The following GRIA1 variants were observed in gnomAD, a reference collection of about 807,000 sequenced individuals.
The protein encoded by GRIA1 is glutamate receptor 1.
A neutral mutation model predicts 99.2 loss-of-function variants in GRIA1; 31 were observed. The ratio of observed to expected loss-of-function variants is 0.31; its 90% CI spans 0.23 to 0.42. GRIA1 has a LOEUF of 0.42. Ranked by LOEUF, GRIA1 falls within the 10% of genes least tolerant of loss-of-function variation. The probability of loss-of-function intolerance (pLI) is 1.00; values close to 1 mark genes in which losing one functional copy is unlikely to be tolerated. For missense variants in GRIA1, 782 were observed against 1,157.5 expected (o/e 0.68, Z 4.71); for synonymous variants, 438 against 432.4 (o/e 1.01, Z -0.16).
At chr5:153,722,095 G>A (rs1344353378) in intron 11 of GRIA1, among the ~76,000 whole-genome samples, 1 of 152,142 alleles carries the variant, frequency 6.6e-6, no homozygotes, top group African/African-American at 2.4e-5. Flanking sequence ...ATATTTGTTA[G>A]CCATTTGAGT....
intron 2 of GRIA1, among the ~76,000 whole-genome samples, chr5:153,501,047 T>G (rs1458009995): frequency 1.3e-5 from 2 of 152,318 alleles, no homozygotes; most frequent in Non-Finnish European, 2.9e-5. Context: ...TTCTCTACCT[T>G]TGGCTAGCAA....
At chr5:153,549,857 G>A (rs1759971042) in intron 2 of GRIA1, among the ~76,000 whole-genome samples, 1 of 151,916 alleles carries the variant, frequency 6.6e-6, no homozygotes, top group Non-Finnish European at 1.5e-5. Context: ...CCTTTATGTG[G>A]GACTAAGAAA....
intron 2 of GRIA1, among the ~76,000 whole-genome samples, chr5:153,532,297 A>G (rs1493395): frequency 0.21 from 31,637 of 152,048 alleles, 4,867 homozygotes; most frequent in East Asian, 0.69. Flanking sequence ...CAGCTCTTCA[A>G]GGTACTCAAG....
intron 11 of GRIA1, among the ~76,000 whole-genome samples, chr5:153,740,267 CA>C (rs1761684525): frequency 1.3e-5 from 2 of 152,188 alleles, no homozygotes; most frequent in African/African-American, 4.8e-5. Context: ...GAGAGGAGAA[CA>C]GCTTCAACAA....
intron 13 of GRIA1, among the ~76,000 whole-genome samples, chr5:153,772,072 G>A (rs2149620794): frequency 6.6e-6 from 1 of 152,216 alleles, no homozygotes; most frequent in Middle Eastern, 3.4e-3. Flanking sequence ...TGGAATTTAT[G>A]GAAAGCATAA....
Position 153,811,215 on chromosome 5 carries a change from C to A in GRIA1, c.2711C>A (p.Thr904Lys), listed in dbSNP as rs756806575. The A allele has an allele frequency of 6.2e-7, 1 of 1,613,542 alleles. No individual in the cohort carries two copies. Among genetic ancestry groups the A allele is most frequent in the South Asian group, 1.1e-5 (1 of 91,066 alleles). The change falls in exon 16 of 16, where the codon ACG becomes AAG. Residue 904 changes from threonine to lysine, a missense_variant. Coordinates refer to ENST00000285900, the MANE Select transcript of GRIA1 (RefSeq NM_000827.4). ...SHSSGMPLGA[T>K]GL Reference sequence around the variant, plus strand: ...AGTTCAGGGATGCCCTTGGGAGCCACGGGATTGTAACTGGAGCAGATGGAG... The same window carrying A: ...AGTTCAGGGATGCCCTTGGGAGCCAAGGGATTGTAACTGGAGCAGATGGAG...
chr5:153,639,425 T>G (rs545717969), intron 2 of GRIA1, among the ~76,000 whole-genome samples: 1 of 152,332 alleles, frequency 6.6e-6, no homozygotes, highest in South Asian at 2.1e-4. Flanking sequence ...CTCTTCAGTC[T>G]TGTTCCTGAG....
intron 11 of GRIA1, among the ~76,000 whole-genome samples, chr5:153,726,716 A>T (rs572384481): frequency 2.7e-4 from 41 of 152,358 alleles, no homozygotes; most frequent in South Asian, 2.1e-4. Context: ...GAGTAGACCA[A>T]TAACAGGCTC....
intron 5 of GRIA1, among the ~76,000 whole-genome samples, chr5:153,671,828 C>T (rs1047336616): frequency 2.6e-5 from 4 of 152,190 alleles, no homozygotes. Context: ...GGTTCCTGCT[C>T]TTAGGAAACT....
chr5:153,780,511 A>G (rs1486815710), intron 13 of GRIA1, among the ~76,000 whole-genome samples: 2 of 152,220 alleles, frequency 1.3e-5, no homozygotes, highest in Non-Finnish European at 2.9e-5. Flanking sequence ...TAACTCTGGC[A>G]TTTATTTCCA....
At chr5:153,600,226 C>A (rs531349392) in intron 2 of GRIA1, among the ~76,000 whole-genome samples, 1 of 151,534 alleles carries the variant, frequency 6.6e-6, no homozygotes, top group Non-Finnish European at 1.5e-5. Flanking sequence ...ACTGTCTCTA[C>A]TAAAAATACA....
chr5:153,634,039 G>A (rs946363948), intron 2 of GRIA1, among the ~76,000 whole-genome samples: 5 of 152,120 alleles, frequency 3.3e-5, no homozygotes, highest in Admixed American at 6.6e-5. Flanking sequence ...AGTAGGGACC[G>A]GGCACGGTGG....
chr5:153,673,433 C>T (rs1419648527), intron 5 of GRIA1, among the ~76,000 whole-genome samples: 1 of 152,222 alleles, frequency 6.6e-6, no homozygotes, highest in Non-Finnish European at 1.5e-5. Flanking sequence ...CTGTCTTCCC[C>T]ACTAGAATAT....
At chr5:153,590,026 A>G (rs899857855) in intron 2 of GRIA1, among the ~76,000 whole-genome samples, 22 of 152,294 alleles carry the variant, frequency 1.4e-4, no homozygotes, top group African/African-American at 4.6e-4. Flanking sequence ...TTCAAAATGT[A>G]CTGAAATTAT....
intron 5 of GRIA1, among the ~76,000 whole-genome samples, chr5:153,673,287 C>T (rs34444212): frequency 0.17 from 26,119 of 152,216 alleles, 2,433 homozygotes; most frequent in Non-Finnish European, 0.2. Context: ...ATCCTCATCA[C>T]TCCTTCCAAA....
intron 2 of GRIA1, among the ~76,000 whole-genome samples, chr5:153,578,351 T>C (rs1390555884): frequency 1.3e-5 from 2 of 152,068 alleles, no homozygotes; most frequent in African/African-American, 2.4e-5. Context: ...ATGGTATTCA[T>C]GCTACAAAAC....
At chr5:153,806,800 C>T (rs1223416397) in intron 15 of GRIA1, among the ~76,000 whole-genome samples, 1 of 152,150 alleles carries the variant, frequency 6.6e-6, no homozygotes, top group Non-Finnish European at 1.5e-5. Context: ...TTTCATTAAC[C>T]ATGCAATAAG....
At chr5:153,648,993 A>G (rs1470901573) in intron 3 of GRIA1, among the ~76,000 whole-genome samples, 1 of 152,140 alleles carries the variant, frequency 6.6e-6, no homozygotes, top group African/African-American at 2.4e-5. Flanking sequence ...GGGGGACACA[A>G]TGTAATCACA....
chr5:153,581,023 T>C (rs919718651), intron 2 of GRIA1, among the ~76,000 whole-genome samples: 5 of 152,216 alleles, frequency 3.3e-5, no homozygotes, highest in Non-Finnish European at 5.9e-5. Flanking sequence ...ACGAAGGTAG[T>C]TTATGCATTT....
Sources: allele counts gnomAD v4.1 joint callset (sites outside exome capture counted in the v4.1 genomes callset), GRCh38; gene constraint gnomAD v4.1.1; transcripts MANE v1.5; gene names NCBI Gene and HGNC (gene_info 2026-07-23, HGNC 2026-07-21).